BCKDHA: variants seen among roughly 807,000 people sequenced by gnomAD.
BCKDHA encodes 2-oxoisovalerate dehydrogenase subunit alpha, mitochondrial.
In BCKDHA, 43 loss-of-function variants were observed where a neutral mutation model predicts 52.2. The ratio of observed to expected loss-of-function variants is 0.82; its 90% CI spans 0.64 to 1.06. The LOEUF is 1.06. BCKDHA is among the 50% of genes least tolerant of loss of function. The pLI is 0.00. For synonymous variants in BCKDHA, 234 were observed against 247.9 expected (o/e 0.94, Z 0.53); for missense variants, 527 against 621.3 (o/e 0.85, Z 1.61).
chr19:41,412,550 G>A lies in BCKDHA; in HGVS notation c.376-1499G>A, dbSNP rs533998079. On this transcript the variant is annotated intron_variant, in intron 3 of 8. Coordinates refer to ENST00000269980, the MANE Select transcript of BCKDHA (RefSeq NM_000709.4). ...TGCGCCACCACACCTGGCTAATTTT[G>A]TATTTTTAGTAGAGATGGGGTTTCT... 3.5e-4 allele frequency among the ~76,000 whole-genome samples: 53 copies of A among 150,114 alleles called. 1 individual carries two copies. The highest frequency in any genetic ancestry group is 5.9e-4 in the Non-Finnish European group (40 of 67,500).
At chr19:41,417,580 A>G (rs1250047588) in intron 4 of BCKDHA, among the ~76,000 whole-genome samples, 1 of 152,232 alleles carries the variant, frequency 6.6e-6, no homozygotes, top group Non-Finnish European at 1.5e-5. Context: ...GTAAACCTGT[A>G]TTAAAGTTGG....
At chr19:41,408,288 G>A (rs1460298742) in intron 1 of BCKDHA, among the ~76,000 whole-genome samples, 1 of 149,288 alleles carries the variant, frequency 6.7e-6, no homozygotes. Flanking sequence ...TTAAATTTGT[G>A]GTTTGGTGCA....
At chr19:41,399,704 T>C (rs1400879490) in intron 1 of BCKDHA, 1 of 151,670 alleles carries the variant, frequency 6.6e-6, no homozygotes, top group African/African-American at 2.4e-5. Context: ...CTTTTTCTTT[T>C]CTTTTCTTTT....
In BCKDHA at chr19:41,402,389, T is replaced by A. The variant is rs566991664; in HGVS notation, c.108+4454T>A. 1.4e-4 allele frequency among the ~76,000 whole-genome samples: 21 copies of A among 152,322 alleles called. No homozygotes were observed. In the East Asian group the frequency reaches 3.7e-3, roughly 27 times the overall value. ...AAACCTGGCCTCCTTTTTCACATCT[T>A]GAGGCACTGAATGGTTTACAAATCC... On this transcript the variant is annotated intron_variant, in intron 1 of 8. Transcript: ENST00000269980.
chr19:41,409,645 A>G (rs571548194), intron 1 of BCKDHA, among the ~76,000 whole-genome samples: 2 of 152,032 alleles, frequency 1.3e-5, no homozygotes, highest in Non-Finnish European at 2.9e-5. Context: ...TGTTTTGAGC[A>G]TTTGTTAGGT....
intron 1 of BCKDHA, among the ~76,000 whole-genome samples, chr19:41,402,694 T>C (rs1228066980): frequency 6.6e-6 from 1 of 152,168 alleles, no homozygotes; most frequent in Non-Finnish European, 1.5e-5. Context: ...CAGGCTGGAG[T>C]GCAGTGGCGT....
intron 4 of BCKDHA, among the ~76,000 whole-genome samples, chr19:41,417,263 G>C (rs2039316155): frequency 6.6e-6 from 1 of 152,032 alleles, no homozygotes; most frequent in African/African-American, 2.4e-5. Context: ...CAGTCCACCT[G>C]CCTCACCCTT....
In BCKDHA at chr19:41,424,738, AGGGCGGCTG is replaced by A; in HGVS notation, c.*131_*139del. The A allele has an allele frequency of 9.3e-7, 1 of 1,074,100 alleles. No homozygotes were observed. Among genetic ancestry groups the A allele is most frequent in the African/African-American group, 1.6e-5 (1 of 62,520 alleles). 66.5% of individuals were successfully genotyped at this position (1,074,100 alleles called of 1,614,324 possible). A position where few individuals can be genotyped will look rare whatever the true frequency, so the allele number is the denominator to read the frequency against. ...GCTCCCTCTAAAATACTCAGCGGCCAGGGCGGCTGCCACTCTTCACCCCTGCTCCTCCCG... is the reference window on the plus strand; with the variant it reads ...GCTCCCTCTAAAATACTCAGCGGCCACCACTCTTCACCCCTGCTCCTCCCG... On this transcript the variant is annotated 3_prime_UTR_variant, in exon 9 of 9. Coordinates refer to ENST00000269980, the MANE Select transcript of BCKDHA (RefSeq NM_000709.4).
In BCKDHA at chr19:41,424,727, A is replaced by G. The variant is rs769629158; in HGVS notation, c.*119A>G. ...TTCCCCAGTCAGCTCCCTCTAAAAT[A>G]CTCAGCGGCCAGGGCGGCTGCCACT... On this transcript the variant is annotated 3_prime_UTR_variant, in exon 9 of 9. Coordinates refer to ENST00000269980, the MANE Select transcript of BCKDHA (RefSeq NM_000709.4). 5.9e-6 allele frequency: 7 copies of G among 1,184,782 alleles called. No individual in the cohort carries two copies. In the Admixed American group the frequency reaches 2.0e-4, roughly 33 times the overall value. The allele number at this position is 1,184,782 out of a possible 1,614,324, so 73.4% of individuals were successfully genotyped here. A position where few individuals can be genotyped will look rare whatever the true frequency, so the allele number is the denominator to read the frequency against.
chr19:41,410,607 G>A (rs767714367), intron 1 of BCKDHA, 30 bp from the exon 2 acceptor site: 2 of 1,613,772 alleles, frequency 1.2e-6, no homozygotes, highest in African/African-American at 1.3e-5. Context: ...TGCTTCTGAT[G>A]CAGGTGGTCT....
chr19:41,402,088 G>A (rs2039144939), intron 1 of BCKDHA, among the ~76,000 whole-genome samples: 1 of 152,204 alleles, frequency 6.6e-6, no homozygotes, highest in South Asian at 2.1e-4. Flanking sequence ...GGCAGACAGA[G>A]TGCTTGCAGG....
At chr19:41,398,982 TAGTG>T (rs779630513) in intron 1 of BCKDHA, among the ~76,000 whole-genome samples, 1 of 151,960 alleles carries the variant, frequency 6.6e-6, no homozygotes, top group Non-Finnish European at 1.5e-5. Context: ...GGAATGTTGA[TAGTG>T]AGGGTGGAGG....
At chr19:41,418,882 A>C in intron 4 of BCKDHA, 1 of 502,878 alleles carries the variant, frequency 2.0e-6, no homozygotes, top group East Asian at 3.7e-5. Flanking sequence ...AAGGTAATTG[A>C]ATTAGTTGAA....
intron 1 of BCKDHA, among the ~76,000 whole-genome samples, chr19:41,410,008 C>A (rs938915512): frequency 6.6e-6 from 1 of 152,098 alleles, no homozygotes; most frequent in African/African-American, 2.4e-5. Context: ...GCCATGTTGG[C>A]CACATTGATC....
At position 41,422,152 on chromosome 19, in the gene BCKDHA, C is replaced by T; in HGVS notation, c.647-12C>T. The T allele has an allele frequency of 6.2e-7, 1 of 1,611,892 alleles. No individual in the cohort carries two copies. Among genetic ancestry groups the T allele is most frequent in the Non-Finnish European group, 8.5e-7 (1 of 1,179,072 alleles). ...TCTCCGCCCCTGCTCACCACCCTCT[C>T]ATCCCCTGCAGCGGTGGGGGCGGCG... On this transcript the variant is annotated splice_polypyrimidine_tract_variant and intron_variant, in intron 5 of 8. Coordinates refer to ENST00000269980, the MANE Select transcript of BCKDHA (RefSeq NM_000709.4).
Position 41,424,632 on chromosome 19 carries a change from C to A in BCKDHA, c.*24C>A. 1 of 1,562,624 alleles carries A rather than the reference C, an allele frequency of 6.4e-7. No homozygotes were observed. On this transcript the variant is annotated 3_prime_UTR_variant, in exon 9 of 9. Coordinates refer to ENST00000269980, the MANE Select transcript of BCKDHA (RefSeq NM_000709.4). ...GAGACCTGCTCAGCCCACCCCCACC[C>A]ATCCTCAGCTACCCCGAGAGGTAGC...
chr19:41,407,913 G>A (rs1008526506), intron 1 of BCKDHA, among the ~76,000 whole-genome samples: 1 of 151,706 alleles, frequency 6.6e-6, no homozygotes, highest in Non-Finnish European at 1.5e-5. Context: ...ATGTCTAGGA[G>A]CCTGAATCTC....
chr19:41,407,485 C>G (rs1394968373), intron 1 of BCKDHA, among the ~76,000 whole-genome samples: 1 of 152,124 alleles, frequency 6.6e-6, no homozygotes. Context: ...ACAAAGCAAT[C>G]TTCTAGGTCA....
chr19:41,404,446 C>T (rs570182444), intron 1 of BCKDHA, among the ~76,000 whole-genome samples: 6 of 152,002 alleles, frequency 3.9e-5, no homozygotes, highest in Non-Finnish European at 7.4e-5. Flanking sequence ...CCCGCCACCA[C>T]GCCCGGCTAA....
Sources: allele counts gnomAD v4.1 joint callset (sites outside exome capture counted in the v4.1 genomes callset), GRCh38; gene constraint gnomAD v4.1.1; transcripts MANE v1.5; gene names NCBI Gene and HGNC (gene_info 2026-07-23, HGNC 2026-07-21).